Variants in CSRNP3 observed in about 807,000 individuals in gnomAD.
CSRNP3 encodes cysteine and serine rich nuclear protein 3.
CSRNP3 carries 12 observed loss-of-function variants against 48.0 expected under a neutral mutation model. That is an observed-to-expected ratio of 0.25 (90% confidence interval 0.16 to 0.41). The LOEUF (loss-of-function observed/expected upper bound fraction) is 0.41, where lower values mean the gene tolerates loss of function less well. Among genes scored for constraint, CSRNP3 ranks in the 10% least tolerant of loss-of-function variants. CSRNP3 has a pLI of 1.00. For missense variants in CSRNP3, 580 were observed against 724.4 expected, an observed-to-expected ratio of 0.80 and a Z score of 2.29; for synonymous variants, 263 against 269.7, an observed-to-expected ratio of 0.98 and a Z score of 0.24.
rs1687665008 is a variant in CSRNP3, at chr2:165,688,396, T to C, written c.*8643T>C. 6.6e-6 allele frequency: 1 copy of C among 152,152 alleles called. No homozygotes were observed. Among genetic ancestry groups the C allele is most frequent in the South Asian group, 2.1e-4 (1 of 4,832 alleles). 9.4% of individuals were successfully genotyped at this position (152,152 alleles called of 1,614,324 possible). A position where few individuals can be genotyped will look rare whatever the true frequency, so the allele number is the denominator to read the frequency against. On this transcript the variant is annotated 3_prime_UTR_variant, in exon 7 of 7. Coordinates refer to ENST00000651982, the MANE Select transcript of CSRNP3 (RefSeq NM_001172173.2). ...ATACATATGTACTGGTTAATGCCTG[T>C]TTACGCAGAAAATGGCACTTTGTTC...
rs1687035182 is a variant in CSRNP3 at position 165,658,025 on chromosome 2, AAAAC to A, written c.408+10_408+13del. The A allele has an allele frequency of 1.2e-6, 2 of 1,603,816 alleles. No individual in the cohort carries two copies. The highest frequency in any genetic ancestry group is 2.2e-5 in the South Asian group (2 of 90,766). On this transcript the variant is annotated splice_donor_region_variant and intron_variant, in intron 5 of 6. Coordinates refer to ENST00000651982, the MANE Select transcript of CSRNP3 (RefSeq NM_001172173.2). Reference sequence around the variant, plus strand: ...CTGAACTCCTTAAAACTAAAGGTAAAAAACAAACTCATTTTCTGCAAAGTCTCAT... The same window carrying A: ...CTGAACTCCTTAAAACTAAAGGTAAAAAACTCATTTTCTGCAAAGTCTCAT...
intron 4 of CSRNP3, among the ~76,000 whole-genome samples, chr2:165,605,373 C>G (rs1685992172): frequency 6.6e-6 from 1 of 151,966 alleles, no homozygotes; most frequent in Non-Finnish European, 1.5e-5. Flanking sequence ...GCTTAAATAC[C>G]ATTTCTTTAG....
chr2:165,580,080 C>T (rs955471071), intron 3 of CSRNP3, among the ~76,000 whole-genome samples: 10 of 151,904 alleles, frequency 6.6e-5, no homozygotes, highest in African/African-American at 1.9e-4. Context: ...AGGCGCCTGC[C>T]ACCACGCCTG....
intron 4 of CSRNP3, among the ~76,000 whole-genome samples, chr2:165,656,465 G>A (rs1266369576): frequency 6.6e-6 from 1 of 151,972 alleles, no homozygotes; most frequent in Admixed American, 6.6e-5. Context: ...TAATTAGTTT[G>A]ATTGAGCATT....
At chr2:165,576,972 C>G (rs1685460879) in intron 3 of CSRNP3, among the ~76,000 whole-genome samples, 2 of 151,892 alleles carry the variant, frequency 1.3e-5, no homozygotes, top group African/African-American at 4.8e-5. Context: ...AAACTAGAGA[C>G]CATATTGTAG....
intron 6 of CSRNP3, among the ~76,000 whole-genome samples, chr2:165,677,822 T>C (rs1453023794): frequency 2.0e-5 from 3 of 152,152 alleles, no homozygotes; most frequent in Non-Finnish European, 2.9e-5. Flanking sequence ...TACCCTTGGA[T>C]TGTCCAGAAC....
Position 165,597,088 on chromosome 2 carries a change from G to T in CSRNP3, c.148+1875G>T, listed in dbSNP as rs144560461. Among the ~76,000 whole-genome samples, 130 of 152,142 alleles carry T rather than the reference G, an allele frequency of 8.5e-4. No individual in the cohort carries two copies. The East Asian group carries it at 0.015, about 18-fold the overall frequency. On this transcript the variant is annotated intron_variant, in intron 4 of 6. Coordinates refer to ENST00000651982, the MANE Select transcript of CSRNP3 (RefSeq NM_001172173.2). ...TCTACCTTTTGCATGGTCTTATTCC[G>T]CCCCTTAATTATATAACATTGGACA...
Position 165,625,403 on chromosome 2 carries a change from G to A in CSRNP3, c.148+30190G>A, listed in dbSNP as rs541988540. 9.9e-5 allele frequency among the ~76,000 whole-genome samples: 15 copies of A among 151,830 alleles called. No homozygotes were observed. In the South Asian group the frequency reaches 1.0e-3, roughly 11 times the overall value. ...GCACTTTGGGAGGCCAAGGTGGGTGGATCATCTGAGGTCAGGAGTTCGAGA... is the reference window on the plus strand; with the variant it reads ...GCACTTTGGGAGGCCAAGGTGGGTGAATCATCTGAGGTCAGGAGTTCGAGA... On this transcript the variant is annotated intron_variant, in intron 4 of 6. Transcript: ENST00000651982.
At chr2:165,659,582 A>G (rs1687064223) in intron 5 of CSRNP3, among the ~76,000 whole-genome samples, 1 of 152,190 alleles carries the variant, frequency 6.6e-6, no homozygotes, top group Non-Finnish European at 1.5e-5. Flanking sequence ...GTGCCACTTT[A>G]GAGATTAAAT....
chr2:165,573,255 T>C (rs1380478126), intron 3 of CSRNP3, among the ~76,000 whole-genome samples: 1 of 152,138 alleles, frequency 6.6e-6, no homozygotes, highest in Non-Finnish European at 1.5e-5. Flanking sequence ...TATTCATTGA[T>C]ATTTAGAGAA....
intron 4 of CSRNP3, among the ~76,000 whole-genome samples, chr2:165,601,099 A>G (rs1375358667): frequency 6.6e-6 from 1 of 152,218 alleles, no homozygotes; most frequent in Non-Finnish European, 1.5e-5. Context: ...CCAGTCATCA[A>G]CCAAGGTCAT....
intron 4 of CSRNP3, among the ~76,000 whole-genome samples, chr2:165,598,234 T>C (rs1252684923): frequency 6.6e-6 from 1 of 152,156 alleles, no homozygotes; most frequent in African/African-American, 2.4e-5. Flanking sequence ...ATTTTCATGA[T>C]AGTTATGAAG....
intron 4 of CSRNP3, among the ~76,000 whole-genome samples, chr2:165,628,904 A>T (rs1451241573): frequency 6.6e-6 from 1 of 152,158 alleles, no homozygotes; most frequent in Non-Finnish European, 1.5e-5. Context: ...CATCTCTATT[A>T]AATAAAAATT....
intron 3 of CSRNP3, among the ~76,000 whole-genome samples, chr2:165,530,927 G>A (rs968133416): frequency 1.3e-5 from 2 of 151,500 alleles, no homozygotes; most frequent in Non-Finnish European, 2.9e-5. Flanking sequence ...TTAAAACTAA[G>A]GTATGGGACT....
At chr2:165,669,435 T>C (rs2219100) in intron 5 of CSRNP3, among the ~76,000 whole-genome samples, 123,035 of 152,040 alleles carry the variant, frequency 0.81, 50,016 homozygotes, top group Middle Eastern at 0.84. Flanking sequence ...TTAAAATTTA[T>C]GGAAGAACTC....
intron 1 of CSRNP3, among the ~76,000 whole-genome samples, chr2:165,485,386 TAACTGATA>T (rs1312383293): frequency 3.9e-5 from 6 of 152,352 alleles, no homozygotes; most frequent in African/African-American, 1.4e-4. Flanking sequence ...TAGTCTCCTA[TAACTGATA>T]AACATAAGGT....
intron 4 of CSRNP3, among the ~76,000 whole-genome samples, chr2:165,599,329 G>GAAAGAAA (rs774882658): frequency 1.1e-4 from 12 of 107,766 alleles, no homozygotes; most frequent in African/African-American, 4.0e-4. Flanking sequence ...AAGAAAGAAA[G>GAAAGAAA]GAAAAGAAAA....
chr2:165,507,532 C>G (rs546249944), intron 2 of CSRNP3, among the ~76,000 whole-genome samples: 1 of 152,084 alleles, frequency 6.6e-6, no homozygotes, highest in Non-Finnish European at 1.5e-5. Flanking sequence ...TATTGTGATG[C>G]CTATTTATAC....
At chr2:165,569,099 ACT>A (rs1685335582) in intron 3 of CSRNP3, among the ~76,000 whole-genome samples, 1 of 151,972 alleles carries the variant, frequency 6.6e-6, no homozygotes, top group Non-Finnish European at 1.5e-5. Context: ...ATCCCTAGCA[ACT>A]CTCTCAGAGC....
Sources: allele counts gnomAD v4.1 joint callset (sites outside exome capture counted in the v4.1 genomes callset), GRCh38; gene constraint gnomAD v4.1.1; transcripts MANE v1.5; gene names NCBI Gene and HGNC (gene_info 2026-07-23, HGNC 2026-07-21).